MAPRE3: variants seen among roughly 807,000 people sequenced by gnomAD.
MAPRE3 encodes the protein microtubule-associated protein RP/EB family member 3.
Under a neutral mutation model 30.5 loss-of-function variants are expected in MAPRE3, and 2 were observed. The observed-to-expected ratio is 0.07, with a 90% CI of 0.03 to 0.21. MAPRE3 has a LOEUF of 0.21. Among genes scored for constraint, MAPRE3 ranks in the 10% least tolerant of loss-of-function variants. MAPRE3 has a pLI of 1.00. For synonymous variants in MAPRE3, 110 were observed against 127.7 expected, an observed-to-expected ratio of 0.86 and a Z score of 0.93; for missense variants, 204 against 351.8, an observed-to-expected ratio of 0.58 and a Z score of 3.36.
chr2:26,999,476 CTTTCCTTCTTTCTTTTTTTT>C (rs1666537592), intron 1 of MAPRE3, among the ~76,000 whole-genome samples: 1 of 108,184 alleles, frequency 9.2e-6, no homozygotes, highest in East Asian at 2.7e-4. Flanking sequence ...TTTCTTCTTT[CTTTCCTTCTTTCTTTTTTTT>C]TTTTTTTTTT....
chr2:26,970,648 C>T lies in MAPRE3; in HGVS notation c.-162C>T, dbSNP rs1445329922. 6.6e-6 allele frequency: 1 copy of T among 152,244 alleles called. No individual in the cohort carries two copies. The highest frequency in any genetic ancestry group is 1.5e-5 in the Non-Finnish European group (1 of 68,040). 9.4% of individuals were successfully genotyped at this position (152,244 alleles called of 1,614,324 possible). A position where few individuals can be genotyped will look rare whatever the true frequency, so the allele number is the denominator to read the frequency against. On this transcript the variant is annotated 5_prime_UTR_variant, in exon 1 of 7. Transcript: ENST00000233121. Reference sequence around the variant, plus strand: ...CATCGCGCCTGCGCAGTGCCCTCGTCCCCCGCAGTCTCTGTGCGTTGAAGC... The same window carrying T: ...CATCGCGCCTGCGCAGTGCCCTCGTTCCCCGCAGTCTCTGTGCGTTGAAGC...
chr2:27,016,464 A>C (rs1362910297), intron 1 of MAPRE3, among the ~76,000 whole-genome samples: 2 of 149,786 alleles, frequency 1.3e-5, no homozygotes, highest in African/African-American at 4.9e-5. Flanking sequence ...GGCTCACTGC[A>C]AGCTCCGCCT....
chr2:26,972,280 A>C (rs1431734631), intron 1 of MAPRE3, among the ~76,000 whole-genome samples: 1 of 152,238 alleles, frequency 6.6e-6, no homozygotes, highest in Non-Finnish European at 1.5e-5. Context: ...GGAGCCACTC[A>C]TTTGGAGTTT....
At chr2:26,981,439 A>G (rs1666110968) in intron 1 of MAPRE3, among the ~76,000 whole-genome samples, 1 of 152,138 alleles carries the variant, frequency 6.6e-6, no homozygotes, top group Admixed American at 6.5e-5. Flanking sequence ...GGGAACGGAA[A>G]ACAGGTTTAG....
chr2:26,976,223 G>C (rs1252934670), intron 1 of MAPRE3, among the ~76,000 whole-genome samples: 2 of 152,298 alleles, frequency 1.3e-5, no homozygotes, highest in East Asian at 3.9e-4. Context: ...CTTCTGGTAG[G>C]AATTACTGGT....
intron 1 of MAPRE3, chr2:27,003,024 A>G (rs552463448): frequency 2.0e-5 from 3 of 152,248 alleles, no homozygotes; most frequent in Non-Finnish European, 2.9e-5. Context: ...GGACATTTTA[A>G]TCTATTAAGC....
chr2:27,022,750 CA>C (rs1457700976), intron 2 of MAPRE3: 3 of 180,436 alleles, frequency 1.7e-5, no homozygotes, highest in Admixed American at 1.6e-4. Flanking sequence ...CATCGTTGAC[CA>C]AACCATCGTT....
intron 1 of MAPRE3, among the ~76,000 whole-genome samples, chr2:26,978,065 C>T (rs1666047085): frequency 6.6e-6 from 1 of 152,088 alleles, no homozygotes; most frequent in Admixed American, 6.5e-5. Context: ...GCCTTCCCTG[C>T]TGCTGGAATT....
chr2:27,023,597 C>A, intron 3 of MAPRE3, 120 bp downstream of exon 3: 1 of 1,187,146 alleles, frequency 8.4e-7, no homozygotes, highest in Non-Finnish European at 1.2e-6. Context: ...CTCCCTCCAC[C>A]TCCCGACTCT....
At chr2:27,008,819 G>A (rs1011393281) in intron 1 of MAPRE3, among the ~76,000 whole-genome samples, 1 of 151,684 alleles carries the variant, frequency 6.6e-6, no homozygotes, top group Middle Eastern at 3.2e-3. Flanking sequence ...GGGTGAATGA[G>A]TAGACTGTGG....
intron 1 of MAPRE3, among the ~76,000 whole-genome samples, chr2:27,017,144 CAAG>C (rs1667007517): frequency 6.6e-6 from 1 of 152,204 alleles, no homozygotes; most frequent in Non-Finnish European, 1.5e-5. Context: ...TCAAAGGAAA[CAAG>C]GAGGCTGTTA....
intron 1 of MAPRE3, among the ~76,000 whole-genome samples, chr2:26,987,335 A>G (rs1408361657): frequency 1.3e-5 from 2 of 152,198 alleles, no homozygotes; most frequent in African/African-American, 4.8e-5. Context: ...GAAAATATTT[A>G]TGCCTGTTTT....
chr2:27,025,993 T>C lies in MAPRE3; in HGVS notation c.738T>C (p.Pro246=). The C allele has an allele frequency of 6.2e-7, 1 of 1,614,224 alleles. No homozygotes were observed. Among genetic ancestry groups the C allele is most frequent in the Non-Finnish European group, 8.5e-7 (1 of 1,180,032 alleles). Residue 246 remains proline (P), a synonymous_variant, in exon 6 of 7, where the codon CCT becomes CCC. Transcript: ENST00000233121. ...AGGAGCATGAAAGTGAAAACAGCCC[T>C]GTTATCTCAGGCATCATTGGCATCC... ...ICQEHESENS[P]VISGIIGILY...
chr2:26,980,121 G>A (rs942834609), intron 1 of MAPRE3, among the ~76,000 whole-genome samples: 2 of 152,202 alleles, frequency 1.3e-5, no homozygotes. Flanking sequence ...GGGAAATTAG[G>A]ATGATTCAGC....
At chr2:27,008,322 G>A (rs1666774540) in intron 1 of MAPRE3, among the ~76,000 whole-genome samples, 2 of 152,302 alleles carry the variant, frequency 1.3e-5, no homozygotes, top group South Asian at 2.1e-4. Context: ...GGGCACAGTG[G>A]CGCATGCCTG....
chr2:27,001,258 GC>G (rs1274940005), intron 1 of MAPRE3, among the ~76,000 whole-genome samples: 1 of 152,216 alleles, frequency 6.6e-6, no homozygotes, highest in African/African-American at 2.4e-5. Flanking sequence ...GTATGGCATA[GC>G]CTATTGCTCC....
chr2:27,007,455 C>A (rs1666756057), intron 1 of MAPRE3, among the ~76,000 whole-genome samples: 1 of 152,216 alleles, frequency 6.6e-6, no homozygotes. Flanking sequence ...AAAGGATTTA[C>A]TGCCCTGGGA....
intron 3 of MAPRE3, chr2:27,023,688 C>T: frequency 1.7e-6 from 1 of 591,596 alleles, no homozygotes; most frequent in Non-Finnish European, 3.1e-6. Flanking sequence ...ACATTCCTTT[C>T]CCTTCCTCCT....
chr2:27,025,791 C>T (rs1417486123), intron 5 of MAPRE3, 54 bp downstream of exon 5: 9 of 1,613,794 alleles, frequency 5.6e-6, no homozygotes, highest in Non-Finnish European at 6.8e-6. Flanking sequence ...AAGCCAGGCC[C>T]TTGGGGTGTC....
Sources: gnomAD v4.1 joint callset for allele counts (sites outside exome capture counted in the v4.1 genomes callset) on GRCh38, gnomAD v4.1.1 for gene constraint, MANE v1.5 for transcripts, NCBI Gene and HGNC (gene_info 2026-07-23, HGNC 2026-07-21) for gene names.